The following CCDC85A variants were observed in gnomAD, a reference collection of about 807,000 sequenced individuals.
The protein encoded by CCDC85A is coiled-coil domain-containing protein 85A.
CCDC85A carries 38 observed loss-of-function variants against 50.2 expected under a neutral mutation model. The observed-to-expected ratio is 0.76, with a 90% CI of 0.58 to 0.99. The LOEUF is 0.99. CCDC85A is among the 50% of genes least tolerant of loss of function. CCDC85A has a pLI of 0.00. For synonymous variants in CCDC85A, 366 were observed against 301.4 expected, an observed-to-expected ratio of 1.21 and a Z score of -2.22; for missense variants, 820 against 742.0, an observed-to-expected ratio of 1.11 and a Z score of -1.22.
chr2:56,381,647 G>T (rs1045643254), intron 5 of CCDC85A, among the ~76,000 whole-genome samples: 7 of 152,048 alleles, frequency 4.6e-5, no homozygotes, highest in African/African-American at 1.7e-4. Context: ...GACCTTTCCT[G>T]AGGAACAAAA....
intron 3 of CCDC85A, among the ~76,000 whole-genome samples, chr2:56,363,889 C>G (rs1255476703): frequency 6.6e-6 from 1 of 152,144 alleles, no homozygotes; most frequent in African/African-American, 2.4e-5. Context: ...TTGTGCTTTC[C>G]TTTTCTCCCT....
intron 2 of CCDC85A, among the ~76,000 whole-genome samples, chr2:56,302,335 G>C (rs73940648): frequency 1.3e-5 from 2 of 152,054 alleles, no homozygotes; most frequent in African/African-American, 4.8e-5. Flanking sequence ...GATTTGTTTC[G>C]CCTAGGGTAG....
At chr2:56,249,404 T>C (rs1329394403) in intron 2 of CCDC85A, among the ~76,000 whole-genome samples, 2 of 152,238 alleles carry the variant, frequency 1.3e-5, no homozygotes, top group Admixed American at 6.5e-5. Context: ...GGAAGCTGGT[T>C]TGATGCAGCC....
chr2:56,293,505 G>T (rs1671810047), intron 2 of CCDC85A, among the ~76,000 whole-genome samples: 1 of 152,150 alleles, frequency 6.6e-6, no homozygotes, highest in Admixed American at 6.5e-5. Flanking sequence ...AAGAGCTTCT[G>T]CACAGCGAAA....
chr2:56,333,165 C>T (rs918720582), intron 2 of CCDC85A, among the ~76,000 whole-genome samples: 1 of 152,096 alleles, frequency 6.6e-6, no homozygotes, highest in Admixed American at 6.5e-5. Flanking sequence ...AAAGTTGGTA[C>T]AGTAATACAG....
At position 56,291,250 on chromosome 2, in the gene CCDC85A, C is replaced by T. The variant is rs79780605; in HGVS notation, c.1241-51629C>T. On this transcript the variant is annotated intron_variant, in intron 2 of 5. Transcript: ENST00000407595. Reference sequence around the variant, plus strand: ...AAAAAGATGCATAGATGGATCTAACCATATTGTGGGTTCTCATTTATTCAT... The same window carrying T: ...AAAAAGATGCATAGATGGATCTAACTATATTGTGGGTTCTCATTTATTCAT... 8.6e-3 allele frequency among the ~76,000 whole-genome samples: 1,305 copies of T among 152,234 alleles called. 28 individuals carry two copies. The highest frequency in any genetic ancestry group is 0.03 in the African/African-American group (1,226 of 41,522).
chr2:56,329,194 C>A (rs1673634142), intron 2 of CCDC85A, among the ~76,000 whole-genome samples: 1 of 152,150 alleles, frequency 6.6e-6, no homozygotes, highest in African/African-American at 2.4e-5. Context: ...AGGGACTTCT[C>A]AAGTTCTATT....
chr2:56,251,878 T>A (rs1558606582), intron 2 of CCDC85A, among the ~76,000 whole-genome samples: 1 of 151,968 alleles, frequency 6.6e-6, no homozygotes, highest in East Asian at 1.9e-4. Flanking sequence ...GTGGCTGATT[T>A]CTTTTTTTTC....
chr2:56,379,298 C>G (rs1676476444), intron 5 of CCDC85A, among the ~76,000 whole-genome samples: 1 of 152,106 alleles, frequency 6.6e-6, no homozygotes, highest in East Asian at 1.9e-4. Flanking sequence ...GGGTTTTGAC[C>G]AGTTTCACCT....
At chr2:56,351,703 G>A (rs1161953318) in intron 3 of CCDC85A, among the ~76,000 whole-genome samples, 2 of 147,944 alleles carry the variant, frequency 1.4e-5, no homozygotes, top group African/African-American at 2.5e-5. Context: ...GGGGTTGTTT[G>A]TTTTTTTCTT....
intron 2 of CCDC85A, among the ~76,000 whole-genome samples, chr2:56,342,490 T>C (rs1437780474): frequency 6.6e-6 from 1 of 152,216 alleles, no homozygotes; most frequent in Non-Finnish European, 1.5e-5. Flanking sequence ...TAATTAATAA[T>C]GATGTTGGAC....
chr2:56,252,734 C>T (rs776308063), intron 2 of CCDC85A, among the ~76,000 whole-genome samples: 1 of 152,138 alleles, frequency 6.6e-6, no homozygotes, highest in Admixed American at 6.5e-5. Context: ...GTGATGTTCC[C>T]CTCCCTGTGT....
At chr2:56,250,728 T>C (rs577413789) in intron 2 of CCDC85A, among the ~76,000 whole-genome samples, 7 of 152,334 alleles carry the variant, frequency 4.6e-5, no homozygotes, top group African/African-American at 7.2e-5. Flanking sequence ...CTCCCCCAAA[T>C]TGAGGTATTT....
rs996870402 is a variant in CCDC85A, at chr2:56,192,113, A to C, written c.277-364A>C. 6.6e-6 allele frequency among the ~76,000 whole-genome samples: 1 copy of C among 152,156 alleles called. No individual in the cohort carries two copies. The highest frequency in any genetic ancestry group is 2.4e-5 in the African/African-American group (1 of 41,432). On this transcript the variant is annotated intron_variant, in intron 1 of 5. Coordinates refer to ENST00000407595, the MANE Select transcript of CCDC85A (RefSeq NM_001080433.2). This position sits in a 1 kb window ranked among gnomAD's most constrained non-coding sequence, Gnocchi z 4.7. ...CTTCTGTATAAGAGCCATAATAATT[A>C]TTATCCCCTAAATGTTTGGGTAAAA...
chr2:56,372,531 T>A (rs905448530), intron 4 of CCDC85A, 53 bp downstream of exon 4: 1 of 1,451,544 alleles, frequency 6.9e-7, no homozygotes, highest in Non-Finnish European at 9.2e-7. Flanking sequence ...ACCAGATGAC[T>A]TCTGTTGCTA....
At chr2:56,216,384 T>C (rs1243439707) in intron 2 of CCDC85A, among the ~76,000 whole-genome samples, 1 of 151,880 alleles carries the variant, frequency 6.6e-6, no homozygotes, top group Admixed American at 6.6e-5. Context: ...AACGACTATA[T>C]ATATTAAGTA....
At chr2:56,298,272 G>C (rs1397847590) in intron 2 of CCDC85A, among the ~76,000 whole-genome samples, 2 of 152,102 alleles carry the variant, frequency 1.3e-5, no homozygotes, top group Non-Finnish European at 2.9e-5. Context: ...TTTGATAGAA[G>C]GTAATTACAG....
chr2:56,229,955 A>C (rs1668708515), intron 2 of CCDC85A, among the ~76,000 whole-genome samples: 1 of 152,182 alleles, frequency 6.6e-6, no homozygotes, highest in Non-Finnish European at 1.5e-5. Context: ...TTTCACTGGG[A>C]AAATTTGTTT....
In CCDC85A at chr2:56,322,195, A is replaced by G. The variant is rs147255698; in HGVS notation, c.1241-20684A>G. Among the ~76,000 whole-genome samples the G allele has an allele frequency of 1.7e-3, 264 of 152,340 alleles. 1 individual carries two copies. The highest frequency in any genetic ancestry group is 5.5e-3 in the African/African-American group (227 of 41,588). On this transcript the variant is annotated intron_variant, in intron 2 of 5. Transcript: ENST00000407595. ...GACCTAAAGCCATAAAAACTCTAGA[A>G]GAAAACCTAGGCAAAACCATTCAGG...
Sources: gnomAD v4.1 joint callset for allele counts (sites outside exome capture counted in the v4.1 genomes callset) on GRCh38, gnomAD v4.1.1 for gene constraint, Gnocchi (gnomAD v3.1) non-coding constraint, MANE v1.5 for transcripts, NCBI Gene and HGNC (gene_info 2026-07-23, HGNC 2026-07-21) for gene names.